The following DMD variants were observed in gnomAD, a reference collection of about 807,000 sequenced individuals.
DMD encodes the protein mutant dystrophin.
A neutral mutation model predicts 330.1 loss-of-function variants in DMD; 63 were observed. The observed-to-expected ratio is 0.19, with a 90% CI of 0.16 to 0.24. The LOEUF (loss-of-function observed/expected upper bound fraction) is 0.24, where lower values mean the gene tolerates loss of function less well. DMD is among the 10% of genes least tolerant of loss of function. The pLI is 1.00. For synonymous variants in DMD, 1,223 were observed against 959.8 expected, an observed-to-expected ratio of 1.27 and a Z score of -5.07; for missense variants, 3,344 against 2,684.1, an observed-to-expected ratio of 1.25 and a Z score of -5.43.
intron 7 of DMD, among the ~76,000 whole-genome samples, chrX:32,784,611 G>C (rs1271430341): frequency 9.0e-6 from 1 of 111,655 alleles, no homozygotes; most frequent in Non-Finnish European, 1.9e-5. Flanking sequence ...GAAAAAGTTA[G>C]GTTCCCGCTC....
intron 37 of DMD, among the ~76,000 whole-genome samples, chrX:32,352,929 CAT>C (rs1469169952): frequency 1.8e-5 from 2 of 110,534 alleles, no homozygotes; most frequent in Non-Finnish European, 3.8e-5. Flanking sequence ...ATAAATTTTC[CAT>C]CCTTAAAGTT....
chrX:32,934,115 A>T (rs1016502577), intron 2 of DMD, among the ~76,000 whole-genome samples: 35 of 112,071 alleles, frequency 3.1e-4, no homozygotes, highest in African/African-American at 1.1e-3. Context: ...GAATCAATGA[A>T]TATTGGTAGT....
chrX:32,556,101 T>G (rs932511902), intron 16 of DMD, among the ~76,000 whole-genome samples: 2 of 111,602 alleles, frequency 1.8e-5, no homozygotes, highest in Non-Finnish European at 3.8e-5. Flanking sequence ...TACAAGGAAC[T>G]TAAACAAATT....
At chrX:32,818,353 T>C (rs1011279483) in intron 5 of DMD, among the ~76,000 whole-genome samples, 22 of 111,493 alleles carry the variant, frequency 2.0e-4, no homozygotes, top group African/African-American at 6.5e-4. Context: ...TGTTATTGCT[T>C]CTACTTAGGT....
intron 59 of DMD, among the ~76,000 whole-genome samples, chrX:31,454,283 C>T (rs891532835): frequency 7.2e-5 from 8 of 110,979 alleles, no homozygotes; most frequent in Admixed American, 3.8e-4. Context: ...GGATTACAGG[C>T]GCACACCACC....
intron 30 of DMD, among the ~76,000 whole-genome samples, chrX:32,390,926 G>C (rs1052181076): frequency 4.5e-5 from 5 of 111,955 alleles, no homozygotes; most frequent in Non-Finnish European, 9.4e-5. Context: ...ATTGCTATTT[G>C]TCTGATAGAT....
intron 16 of DMD, among the ~76,000 whole-genome samples, chrX:32,554,939 AAG>A (rs1175814446): frequency 0.023 from 644 of 27,605 alleles, 69 homozygotes; most frequent in Non-Finnish European, 0.029. Context: ...GAAAGAAAGA[AAG>A]AGAGAGAGAG....
At chrX:32,967,125 G>A (rs905639822) in intron 2 of DMD, among the ~76,000 whole-genome samples, 2 of 111,751 alleles carry the variant, frequency 1.8e-5, no homozygotes, top group East Asian at 2.8e-4. Flanking sequence ...TTATTCATCC[G>A]TTTCCTGAAC....
rs1052917795 is a variant in DMD at position 32,182,016 on chromosome X, T to G, written c.6438+34900A>C. Reference sequence around the variant, plus strand: ...AGTTTCGCATTTTAATCTTTGAAAATAGCCTAGCCACAGGCAAGGTGCAGC... The same window carrying G: ...AGTTTCGCATTTTAATCTTTGAAAAGAGCCTAGCCACAGGCAAGGTGCAGC... On this transcript the variant is annotated intron_variant, in intron 44 of 78. Coordinates refer to ENST00000357033, the MANE Select transcript of DMD (RefSeq NM_004006.3). Among the ~76,000 whole-genome samples, 4 of 112,151 alleles carry G rather than the reference T, an allele frequency of 3.6e-5. No individual in the cohort carries two copies. In the East Asian group the frequency reaches 8.4e-4, roughly 24 times the overall value.
chrX:32,392,717 C>A (rs2098012747), intron 30 of DMD, among the ~76,000 whole-genome samples: 1 of 112,575 alleles, frequency 8.9e-6, no homozygotes, highest in Non-Finnish European at 1.9e-5. Flanking sequence ...GTCCAAGTGC[C>A]AGTTATGGCA....
At chrX:32,248,591 T>C (rs1197428419) in intron 43 of DMD, among the ~76,000 whole-genome samples, 1 of 95,790 alleles carries the variant, frequency 1.0e-5, no homozygotes, top group Non-Finnish European at 2.0e-5. Flanking sequence ...ATTATGGCAC[T>C]ATTCCAAAAA....
intron 43 of DMD, among the ~76,000 whole-genome samples, chrX:32,272,060 G>A (rs1348871648): frequency 1.8e-5 from 2 of 111,706 alleles, no homozygotes; most frequent in East Asian, 2.8e-4. Context: ...CCACTTAGGG[G>A]TGACAAAAGG....
chrX:31,284,588 T>C (rs1295843757), intron 62 of DMD, among the ~76,000 whole-genome samples: 1 of 99,272 alleles, frequency 1.0e-5, no homozygotes, highest in African/African-American at 3.9e-5. Context: ...CTTCTTCTTC[T>C]TCTTCTTCTT....
At chrX:32,520,325 G>A (rs766092023) in intron 17 of DMD, among the ~76,000 whole-genome samples, 8 of 111,810 alleles carry the variant, frequency 7.2e-5, no homozygotes, top group Middle Eastern at 9.3e-3. Flanking sequence ...ATGGTTATTT[G>A]ATTACCTACC....
intron 44 of DMD, among the ~76,000 whole-genome samples, chrX:32,121,631 A>G (rs1271197183): frequency 3.2e-4 from 19 of 59,665 alleles, no homozygotes; most frequent in Non-Finnish European, 4.7e-4. Context: ...ATATATATAT[A>G]TATATATATA....
chrX:33,194,878 T>C (rs907767502), intron 1 of DMD, among the ~76,000 whole-genome samples: 1 of 111,811 alleles, frequency 8.9e-6, no homozygotes, highest in Non-Finnish European at 1.9e-5. Context: ...CAAAATATAG[T>C]TCATATTCAC....
chrX:31,474,057 GT>G (rs1213962649), intron 59 of DMD, among the ~76,000 whole-genome samples: 1 of 111,943 alleles, frequency 8.9e-6, no homozygotes. Flanking sequence ...TGATTCTACT[GT>G]TTTTTCCTAT....
chrX:32,679,054 A>G (rs2062173473), intron 9 of DMD, among the ~76,000 whole-genome samples: 1 of 112,117 alleles, frequency 8.9e-6, no homozygotes, highest in African/African-American at 3.2e-5. Context: ...AAAAATATGT[A>G]ATGAAAAATT....
At chrX:31,666,032 A>C (rs2081404624) in intron 53 of DMD, among the ~76,000 whole-genome samples, 1 of 111,626 alleles carries the variant, frequency 9.0e-6, no homozygotes, top group African/African-American at 3.3e-5. Context: ...GTAATTAACA[A>C]ATCACCCAGC....
Sources: allele counts gnomAD v4.1 joint callset (sites outside exome capture counted in the v4.1 genomes callset), GRCh38; gene constraint gnomAD v4.1.1; transcripts MANE v1.5; gene names NCBI Gene and HGNC (gene_info 2026-07-23, HGNC 2026-07-21).